Variants in CAMK4 observed in about 807,000 individuals in gnomAD.
CAMK4 encodes calcium/calmodulin dependent protein kinase IV.
A neutral mutation model predicts 44.9 loss-of-function variants in CAMK4; 22 were observed. The observed-to-expected ratio is 0.49, with a 90% CI of 0.35 to 0.70. The LOEUF (loss-of-function observed/expected upper bound fraction) is 0.70. CAMK4 is among the 30% of genes least tolerant of loss of function. CAMK4 has a pLI of 0.01. For synonymous variants in CAMK4, 218 were observed against 215.4 expected (o/e 1.01, Z -0.11); for missense variants, 498 against 586.8 (o/e 0.85, Z 1.56).
rs549252336 is a variant in CAMK4 at position 111,465,440 on chromosome 5, A to T, written c.626-7871A>T. ...AAGCTGGTTCTTTAAAATAATAATT[A>T]AAAAAGATAACCATTAGCAAGATAG... On this transcript the variant is annotated intron_variant, in intron 7 of 10. Transcript: ENST00000282356. Among the ~76,000 whole-genome samples the T allele has an allele frequency of 8.5e-5, 13 of 152,240 alleles. No homozygotes were observed. In the South Asian group the frequency reaches 1.2e-3, roughly 15 times the overall value.
intron 2 of CAMK4, among the ~76,000 whole-genome samples, chr5:111,366,921 TA>T (rs1750814430): frequency 6.6e-6 from 1 of 151,842 alleles, no homozygotes; most frequent in East Asian, 1.9e-4. Flanking sequence ...TAGGGCCGTT[TA>T]AGTAAAGGAG....
At chr5:111,439,816 C>G (rs1753764894) in intron 5 of CAMK4, among the ~76,000 whole-genome samples, 1 of 152,128 alleles carries the variant, frequency 6.6e-6, no homozygotes, top group Non-Finnish European at 1.5e-5. Flanking sequence ...GCTGAAAGAA[C>G]AGAGGAGTCA....
chr5:111,318,095 TA>T (rs1561407216), intron 1 of CAMK4, among the ~76,000 whole-genome samples: 1 of 127,448 alleles, frequency 7.8e-6, no homozygotes, highest in Non-Finnish European at 1.8e-5. Flanking sequence ...GGCAAGAAGG[TA>T]GTTATGACTA....
At chr5:111,455,810 T>A (rs547290447) in intron 7 of CAMK4, among the ~76,000 whole-genome samples, 31 of 152,330 alleles carry the variant, frequency 2.0e-4, no homozygotes, top group African/African-American at 7.2e-4. Flanking sequence ...GGAAGTCAGA[T>A]GGCTGTTCCT....
At chr5:111,321,507 G>T (rs1345092859) in intron 1 of CAMK4, among the ~76,000 whole-genome samples, 1 of 121,598 alleles carries the variant, frequency 8.2e-6, no homozygotes, top group Non-Finnish European at 1.9e-5. Flanking sequence ...AGATATTACT[G>T]AATGTCACTG....
At chr5:111,284,290 A>G (rs370606613) in intron 1 of CAMK4, among the ~76,000 whole-genome samples, 5 of 152,234 alleles carry the variant, frequency 3.3e-5, no homozygotes, top group African/African-American at 1.2e-4. Context: ...TCAAATAAAC[A>G]TTAATATATT....
At chr5:111,381,374 C>T (rs772034135) in intron 4 of CAMK4, among the ~76,000 whole-genome samples, 1 of 152,076 alleles carries the variant, frequency 6.6e-6, no homozygotes, top group Non-Finnish European at 1.5e-5. Context: ...GTAGGGAAGC[C>T]GATAATGCAG....
chr5:111,305,149 G>T (rs1747876790), intron 1 of CAMK4, among the ~76,000 whole-genome samples: 1 of 105,144 alleles, frequency 9.5e-6, no homozygotes, highest in African/African-American at 3.8e-5. Flanking sequence ...AAGCAGGAAA[G>T]ATCCAAAATT....
rs78732461 is a variant in CAMK4, at chr5:111,417,881, T to C, written c.459+23099T>C. ...TATCTTTTACCCTGGTGATATATTT[T>C]TGTATTTGCACTTTAACCTGTTTTG... On this transcript the variant is annotated intron_variant, in intron 5 of 10. Transcript: ENST00000282356. 6.1e-3 allele frequency among the ~76,000 whole-genome samples: 928 copies of C among 152,340 alleles called. 9 individuals are homozygous for C. The highest frequency in any genetic ancestry group is 0.021 in the African/African-American group (859 of 41,580).
At chr5:111,242,343 T>C (rs1361392825) in intron 1 of CAMK4, among the ~76,000 whole-genome samples, 1 of 152,208 alleles carries the variant, frequency 6.6e-6, no homozygotes. Flanking sequence ...AATGAAACAG[T>C]GTATCATAAA....
chr5:111,377,572 A>G (rs889547767), intron 4 of CAMK4, among the ~76,000 whole-genome samples: 3 of 152,000 alleles, frequency 2.0e-5, no homozygotes, highest in African/African-American at 7.2e-5. Context: ...TATGCAAACT[A>G]TTTGTACAAG....
In CAMK4 at chr5:111,420,267, G is replaced by T. The variant is rs182210512; in HGVS notation, c.459+25485G>T. 4.2e-3 allele frequency among the ~76,000 whole-genome samples: 635 copies of T among 152,048 alleles called. 6 individuals carry two copies. Among genetic ancestry groups the T allele is most frequent in the African/African-American group, 0.014 (571 of 41,464 alleles). On this transcript the variant is annotated intron_variant, in intron 5 of 10. Coordinates refer to ENST00000282356, the MANE Select transcript of CAMK4 (RefSeq NM_001744.6). ...TCTGTTATTGGTGTATAAGAATGCT[G>T]GTGATTTTTGTACATTGATTTTGTA...
intron 1 of CAMK4, among the ~76,000 whole-genome samples, chr5:111,226,970 G>A (rs774034596): frequency 6.6e-6 from 1 of 152,166 alleles, no homozygotes; most frequent in Non-Finnish European, 1.5e-5. Flanking sequence ...TATGATTACT[G>A]TAAAAGATCA....
At chr5:111,456,075 A>G (rs574830057) in intron 7 of CAMK4, among the ~76,000 whole-genome samples, 1 of 152,228 alleles carries the variant, frequency 6.6e-6, no homozygotes, top group East Asian at 1.9e-4. Flanking sequence ...AATTCCTTTT[A>G]TTATGCAGTA....
intron 1 of CAMK4, among the ~76,000 whole-genome samples, chr5:111,241,789 T>G (rs971179453): frequency 6.6e-6 from 1 of 152,230 alleles, no homozygotes; most frequent in Non-Finnish European, 1.5e-5. Context: ...ATTGGGAATG[T>G]ACTAACCAGT....
chr5:111,362,255 A>G (rs909004132), intron 2 of CAMK4, among the ~76,000 whole-genome samples: 1 of 152,046 alleles, frequency 6.6e-6, no homozygotes, highest in African/African-American at 2.4e-5. Context: ...CCAGGATTCA[A>G]ATTGAATTCT....
At chr5:111,318,697 AAGAATC>A (rs1310534629) in intron 1 of CAMK4, among the ~76,000 whole-genome samples, 5 of 152,140 alleles carry the variant, frequency 3.3e-5, no homozygotes, top group Non-Finnish European at 7.4e-5. Context: ...GCCTTAATGA[AAGAATC>A]AGATAATTGT....
At chr5:111,324,724 A>G (rs774380129) in intron 1 of CAMK4, among the ~76,000 whole-genome samples, 7 of 152,164 alleles carry the variant, frequency 4.6e-5, no homozygotes, top group African/African-American at 1.7e-4. Context: ...ACATCAGATT[A>G]AATAACTGCA....
At chr5:111,267,455 G>GC (rs1472574733) in intron 1 of CAMK4, among the ~76,000 whole-genome samples, 44 of 152,160 alleles carry the variant, frequency 2.9e-4, no homozygotes, top group African/African-American at 1.1e-3. Flanking sequence ...GGTGGCTCAC[G>GC]CCTGTAATCC....
Sources: allele counts gnomAD v4.1 joint callset (sites outside exome capture counted in the v4.1 genomes callset), GRCh38; gene constraint gnomAD v4.1.1; transcripts MANE v1.5; gene names NCBI Gene and HGNC (gene_info 2026-07-23, HGNC 2026-07-21).